Variants in NOL4 observed in about 807,000 individuals in gnomAD.
NOL4 encodes the protein nucleolar protein 4, also known as cancer/testis antigen 125.
NOL4 carries 17 observed loss-of-function variants against 75.9 expected under a neutral mutation model. The ratio of observed to expected loss-of-function variants is 0.22; its 90% CI spans 0.15 to 0.34. The LOEUF is 0.34. Ranked by LOEUF, NOL4 falls within the 10% of genes least tolerant of loss-of-function variation. The pLI is 1.00. For missense variants in NOL4, 614 were observed against 793.5 expected, an observed-to-expected ratio of 0.77 and a Z score of 2.72; for synonymous variants, 292 against 289.9, an observed-to-expected ratio of 1.01 and a Z score of -0.07.
intron 10 of NOL4, among the ~76,000 whole-genome samples, chr18:33,859,404 T>C (rs2062984555): frequency 6.6e-6 from 1 of 152,212 alleles, no homozygotes; most frequent in Admixed American, 6.5e-5. Flanking sequence ...AGATTCTAGA[T>C]ATAGCTATTA....
intron 2 of NOL4, among the ~76,000 whole-genome samples, chr18:34,129,404 TAAG>T (rs2080531791): frequency 6.6e-6 from 1 of 151,650 alleles, no homozygotes. Context: ...TAAGGAGACA[TAAG>T]AAAAGTACAT....
intron 5 of NOL4, among the ~76,000 whole-genome samples, chr18:34,042,625 T>C (rs2076188683): frequency 6.6e-6 from 1 of 152,042 alleles, no homozygotes; most frequent in Non-Finnish European, 1.5e-5. Flanking sequence ...GGTAGATAAG[T>C]GATAATGAGT....
At chr18:34,162,971 C>G (rs1396736200) in intron 1 of NOL4, among the ~76,000 whole-genome samples, 1 of 152,184 alleles carries the variant, frequency 6.6e-6, no homozygotes, top group Non-Finnish European at 1.5e-5. Context: ...AGCATATAAA[C>G]AGAACCTAAG....
At chr18:34,186,991 AG>A (rs1334933211) in intron 1 of NOL4, among the ~76,000 whole-genome samples, 1 of 152,206 alleles carries the variant, frequency 6.6e-6, no homozygotes, top group East Asian at 1.9e-4. Context: ...ATCCTGCACC[AG>A]AGTGGTACTT....
chr18:34,204,913 T>C (rs2036013654), intron 1 of NOL4, among the ~76,000 whole-genome samples: 1 of 152,164 alleles, frequency 6.6e-6, no homozygotes, highest in African/African-American at 2.4e-5. Context: ...AATAACCATG[T>C]GAAGTAGATA....
rs548012489 is a variant in NOL4 at position 33,924,176 on chromosome 18, G to A, written c.1542+18889C>T. Among the ~76,000 whole-genome samples, 30 of 152,242 alleles carry A rather than the reference G, an allele frequency of 2.0e-4. No individual in the cohort carries two copies. In the South Asian group the frequency reaches 6.0e-3, roughly 30 times the overall value. On this transcript the variant is annotated intron_variant, in intron 9 of 10. Coordinates refer to ENST00000261592, the MANE Select transcript of NOL4 (RefSeq NM_003787.5). ...AGCCTGCTGCTATGACAACTATCGG[G>A]GGCAAATATCAGGTCAGCTCCCTGC...
chr18:34,140,085 T>C (rs2081076021), intron 1 of NOL4, among the ~76,000 whole-genome samples: 1 of 152,046 alleles, frequency 6.6e-6, no homozygotes, highest in African/African-American at 2.4e-5. Flanking sequence ...TGCTGAGGAG[T>C]GCTTTACTTC....
intron 1 of NOL4, among the ~76,000 whole-genome samples, chr18:34,222,668 GGCC>G (rs539665288): frequency 0.019 from 2,942 of 152,328 alleles, 49 homozygotes; most frequent in Non-Finnish European, 0.027. Flanking sequence ...ATGGGACAAT[GGCC>G]CAGCCCGAGG....
intron 2 of NOL4, among the ~76,000 whole-genome samples, chr18:34,126,340 ATTTCCT>A (rs2080388017): frequency 6.6e-6 from 1 of 152,126 alleles, no homozygotes; most frequent in Admixed American, 6.6e-5. Flanking sequence ...CTTCCAGCCT[ATTTCCT>A]TTTAGCTATA....
chr18:33,967,786 T>A (rs2145839176), intron 6 of NOL4, among the ~76,000 whole-genome samples: 1 of 152,260 alleles, frequency 6.6e-6, no homozygotes, highest in South Asian at 2.1e-4. Flanking sequence ...AGAATGGCTA[T>A]TATTAAAAAG....
intron 5 of NOL4, among the ~76,000 whole-genome samples, chr18:34,020,174 T>C (rs1367106088): frequency 1.3e-5 from 2 of 151,902 alleles, no homozygotes; most frequent in Non-Finnish European, 2.9e-5. Flanking sequence ...TATTCCTTTA[T>C]AGCAACGCAA....
intron 6 of NOL4, among the ~76,000 whole-genome samples, chr18:33,959,904 G>GT (rs1278731747): frequency 2.6e-5 from 4 of 151,622 alleles, no homozygotes; most frequent in Non-Finnish European, 5.9e-5. Flanking sequence ...ATCACATAAG[G>GT]TTTTCTCCTC....
At chr18:33,936,281 A>G (rs979819163) in intron 9 of NOL4, among the ~76,000 whole-genome samples, 1 of 152,122 alleles carries the variant, frequency 6.6e-6, no homozygotes, top group Non-Finnish European at 1.5e-5. Context: ...AAGAAAAATC[A>G]TGAAGAGACA....
At chr18:34,113,651 T>A (rs2079715932) in intron 2 of NOL4, among the ~76,000 whole-genome samples, 1 of 151,782 alleles carries the variant, frequency 6.6e-6, no homozygotes, top group African/African-American at 2.4e-5. Flanking sequence ...AAAAAAAAAA[T>A]TAAAACAGTG....
intron 9 of NOL4, among the ~76,000 whole-genome samples, chr18:33,888,739 T>A (rs928465347): frequency 6.6e-6 from 1 of 152,018 alleles, no homozygotes; most frequent in Non-Finnish European, 1.5e-5. Context: ...AGATGTGTGG[T>A]GTTATTTCTG....
chr18:33,914,577 G>A (rs1228708592), intron 9 of NOL4, among the ~76,000 whole-genome samples: 3 of 152,112 alleles, frequency 2.0e-5, no homozygotes, highest in African/African-American at 4.8e-5. Context: ...TGACTGGCTA[G>A]GAAGTCATTG....
At chr18:34,173,600 A>G (rs887511870) in intron 1 of NOL4, among the ~76,000 whole-genome samples, 22 of 152,176 alleles carry the variant, frequency 1.4e-4, no homozygotes, top group African/African-American at 4.8e-4. Flanking sequence ...ATAAATAAGT[A>G]AGGAAAAAAT....
In NOL4 at chr18:33,927,883, C is replaced by T. The variant is rs74557606; in HGVS notation, c.1542+15182G>A. 5.5e-3 allele frequency among the ~76,000 whole-genome samples: 836 copies of T among 152,170 alleles called. 12 individuals carry two copies. The highest frequency in any genetic ancestry group is 0.019 in the African/African-American group (803 of 41,534). On this transcript the variant is annotated intron_variant, in intron 9 of 10. Transcript: ENST00000261592. The stretch of plus-strand genomic sequence containing the variant: ...TATGGACCACACGAGACATGTCACA[C>T]ATGACACACCGCTTCCTTTAGGAAG...
intron 1 of NOL4, among the ~76,000 whole-genome samples, chr18:34,216,296 C>T (rs1012150341): frequency 6.6e-6 from 1 of 152,132 alleles, no homozygotes; most frequent in Non-Finnish European, 1.5e-5. Context: ...ACAGAGCACA[C>T]ACAATATCTA....
Sources: gnomAD v4.1 joint callset for allele counts (sites outside exome capture counted in the v4.1 genomes callset) on GRCh38, gnomAD v4.1.1 for gene constraint, MANE v1.5 for transcripts, NCBI Gene and HGNC (gene_info 2026-07-23, HGNC 2026-07-21) for gene names.